FRMPD1: variants seen among roughly 807,000 people sequenced by gnomAD.
FRMPD1 encodes the protein FERM and PDZ domain containing 1.
In FRMPD1, 76 loss-of-function variants were observed where a neutral mutation model predicts 117.8. The ratio of observed to expected loss-of-function variants is 0.65; its 90% CI spans 0.54 to 0.78. The LOEUF (loss-of-function observed/expected upper bound fraction) is 0.78, where lower values mean the gene tolerates loss of function less well. Ranked by LOEUF, FRMPD1 falls within the 30% of genes least tolerant of loss-of-function variation. FRMPD1 has a pLI of 0.00. For missense variants in FRMPD1, 1,786 were observed against 1,964.5 expected (o/e 0.91, Z 1.72); for synonymous variants, 783 against 770.4 (o/e 1.02, Z -0.27).
intron 7 of FRMPD1, among the ~76,000 whole-genome samples, chr9:37,726,211 G>A (rs1823609353): frequency 6.6e-6 from 1 of 152,000 alleles, no homozygotes; most frequent in Admixed American, 6.5e-5. Context: ...TCTTATGAGT[G>A]AAAAAAGGAA....
chr9:37,630,170 G>A, the FRMPD1 span, among the ~76,000 whole-genome samples: 4 of 152,044 alleles, frequency 2.6e-5, no homozygotes, highest in South Asian at 2.1e-4. Flanking sequence ...GTGAATTTTG[G>A]GGGGACACAA....
chr9:37,746,065 C>T lies in FRMPD1; in HGVS notation c.4033C>T (p.Arg1345Cys), dbSNP rs113297576. 2.4e-4 allele frequency: 385 copies of T among 1,614,076 alleles called. No individual in the cohort carries two copies. The highest frequency in any genetic ancestry group is 3.1e-4 in the Non-Finnish European group (369 of 1,180,018). Residue 1345 changes from arginine to cysteine, a missense_variant, in exon 16 of 16, where the codon CGT becomes TGT. Coordinates refer to ENST00000377765, the MANE Select transcript of FRMPD1 (RefSeq NM_014907.3). ...SCQFSYATCF[R>C]GPQPETEEED... ...TCAGTTCTCCTATGCCACATGCTTC[C>T]GTGGCCCGCAGCCTGAGACAGAGGA...
intron 1 of FRMPD1, among the ~76,000 whole-genome samples, chr9:37,678,235 C>T (rs1158937245): frequency 1.4e-5 from 2 of 146,126 alleles, no homozygotes; most frequent in East Asian, 4.2e-4. Flanking sequence ...TCTCTTTTCC[C>T]CTCTAGTACT....
At chr9:37,734,761 A>C (rs926852197) in intron 12 of FRMPD1, among the ~76,000 whole-genome samples, 2 of 152,192 alleles carry the variant, frequency 1.3e-5, no homozygotes, top group Admixed American at 6.5e-5. Flanking sequence ...GGGGAAGGGG[A>C]AACACAGATG....
At chr9:37,607,391 A>ACCT in the FRMPD1 span, among the ~76,000 whole-genome samples, 1 of 152,108 alleles carries the variant, frequency 6.6e-6, no homozygotes, top group East Asian at 1.9e-4. Context: ...TTGAGCAATG[A>ACCT]CCTCCTCATT....
chr9:37,626,286 G>A, the FRMPD1 span, among the ~76,000 whole-genome samples: 11 of 152,036 alleles, frequency 7.2e-5, no homozygotes, highest in Non-Finnish European at 1.2e-4. Context: ...TCGAGATCGC[G>A]CCACTGCACT....
Position 37,744,664 on chromosome 9 carries a change from GGTGCA to G in FRMPD1, c.2633_2637del (p.Gly878AlafsTer14). ...TGACAGGGAGCCCTACCTGGCCCTT[GGTGCA>G]CCCTCCCCAACTGTGTCCTCTCTGC... On this transcript the variant is annotated frameshift_variant, in exon 16 of 16. Transcript: ENST00000377765. LOFTEE classifies it low-confidence loss of function (END_TRUNC). 2 of 1,614,036 alleles carry G rather than the reference GGTGCA, an allele frequency of 1.2e-6. No individual in the cohort carries two copies. Among genetic ancestry groups the G allele is most frequent in the African/African-American group, 1.3e-5 (1 of 75,024 alleles).
At chr9:37,633,309 G>A in the FRMPD1 span, among the ~76,000 whole-genome samples, 2 of 152,146 alleles carry the variant, frequency 1.3e-5, no homozygotes, top group African/African-American at 2.4e-5. Context: ...CCAAAGTGCT[G>A]GGATTGCAGG....
intron 2 of FRMPD1, among the ~76,000 whole-genome samples, chr9:37,704,667 T>C (rs1000278068): frequency 4.6e-5 from 7 of 152,116 alleles, no homozygotes; most frequent in African/African-American, 1.4e-4. Context: ...TATATATATA[T>C]ATATAATGTT....
Position 37,729,779 on chromosome 9 carries a change from T to G in FRMPD1, c.664T>G (p.Phe222Val). The G allele has an allele frequency of 2.5e-6, 4 of 1,614,026 alleles. No homozygotes were observed. The South Asian group carries it at 4.4e-5, about 18-fold the overall frequency. ...EKLSIRSIEY[F>V]ALALEEQYSI... is the part of the protein sequence containing the mutation. The stretch of plus-strand genomic sequence containing the variant: ...GCTGTCCATCCGAAGTATCGAGTAC[T>G]TTGCACTGGCCCTGGAAGAGCAGTA... The change falls in exon 8 of 16, where the codon TTT (phenylalanine) becomes GTT (valine). Residue 222 changes from phenylalanine to valine, a missense_variant. Physicochemically the swap from Phe to Val is conservative, Grantham distance 50. Transcript: ENST00000377765.
the FRMPD1 span, among the ~76,000 whole-genome samples, chr9:37,614,992 A>G: frequency 6.6e-6 from 1 of 152,268 alleles, no homozygotes; most frequent in Admixed American, 6.5e-5. Context: ...CTAGACCTCT[A>G]TAATAGGGAG....
intron 1 of FRMPD1, among the ~76,000 whole-genome samples, chr9:37,682,858 ATT>A (rs537777244): frequency 5.4e-4 from 82 of 152,292 alleles, no homozygotes; most frequent in African/African-American, 1.9e-3. Context: ...AGAAATAAAC[ATT>A]TTTTCTTTTC....
In FRMPD1 at chr9:37,731,160, G is replaced by A. The variant is rs74590086; in HGVS notation, c.858+57G>A. On this transcript the variant is annotated intron_variant, in intron 9 of 15. Transcript: ENST00000377765. ...TGGTTGTTCTCAAAGATGGTGCACT[G>A]GGTGATTTTGAACGTGAGCTCGAGG... 7.5e-4 allele frequency: 1,158 copies of A among 1,553,726 alleles called. 10 individuals are homozygous for A. The East Asian group carries it at 0.019, about 26-fold the overall frequency.
chr9:37,740,653 C>T lies in FRMPD1; in HGVS notation c.2125C>T (p.Leu709=). ...YEGSHADYYS[L]CSSVSPASYL... ...AGGCAGCCACGCTGACTACTACAGC[C>T]TGTGTTCCAGTGTCTCCCCGGCCAG... The change falls in exon 15 of 16, where the codon CTG becomes TTG. Residue 709 remains leucine, a synonymous_variant. Coordinates refer to ENST00000377765, the MANE Select transcript of FRMPD1 (RefSeq NM_014907.3). This position sits in a 1 kb window ranked among gnomAD's most constrained non-coding sequence, Gnocchi z 4.2. The T allele has an allele frequency of 6.2e-7, 1 of 1,614,160 alleles. No individual in the cohort carries two copies. The highest frequency in any genetic ancestry group is 8.5e-7 in the Non-Finnish European group (1 of 1,180,010).
chr9:37,678,467 G>A (rs1038084461), intron 1 of FRMPD1, among the ~76,000 whole-genome samples: 2 of 151,752 alleles, frequency 1.3e-5, no homozygotes, highest in Non-Finnish European at 2.9e-5. Context: ...CACCCTGTTG[G>A]CCAAGCTGGT....
At position 37,714,652 on chromosome 9, in the gene FRMPD1, T is replaced by TTTATC. The variant is rs1563945023; in HGVS notation, c.408+3261_408+3262insCTTAT. Among the ~76,000 whole-genome samples the TTTATC allele has an allele frequency of 1.5e-3, 115 of 78,710 alleles. 2 individuals carry two copies. The highest frequency in any genetic ancestry group is 6.5e-3 in the East Asian group (11 of 1,692). The allele number at this position is 78,710 out of a possible 152,430, so 51.6% of individuals were successfully genotyped here. ...TTTGTTTTATTTTATTTTATCTTAT[T>TTTATC]TTATTTATTTTTGAGATGAAGTCTT... On this transcript the variant is annotated intron_variant, in intron 5 of 15. Transcript: ENST00000377765.
chr9:37,737,823 TAAAAAAAAAA>T (rs35965958), intron 14 of FRMPD1, among the ~76,000 whole-genome samples: 1 of 106,306 alleles, frequency 9.4e-6, no homozygotes, highest in African/African-American at 3.6e-5. Flanking sequence ...AACTCCATCT[TAAAAAAAAAA>T]AAAAAAAAAA....
At chr9:37,694,466 A>G (rs1379833207) in intron 2 of FRMPD1, among the ~76,000 whole-genome samples, 2 of 152,208 alleles carry the variant, frequency 1.3e-5, no homozygotes, top group Non-Finnish European at 2.9e-5. Flanking sequence ...AATATTTTCA[A>G]TACTATAAAA....
At chr9:37,743,520 CTTT>C (rs531949141) in intron 15 of FRMPD1, among the ~76,000 whole-genome samples, 9 of 40,928 alleles carry the variant, frequency 2.2e-4, no homozygotes, top group Non-Finnish European at 3.3e-4. Flanking sequence ...AATGGCTCTG[CTTT>C]TTTTTTTTTT....
Sources: gnomAD v4.1 joint callset for allele counts (sites outside exome capture counted in the v4.1 genomes callset) on GRCh38, gnomAD v4.1.1 for gene constraint, Gnocchi (gnomAD v3.1) non-coding constraint, MANE v1.5 for transcripts, NCBI Gene and HGNC (gene_info 2026-07-23, HGNC 2026-07-21) for gene names.